ZNF384: variants seen among roughly 807,000 people sequenced by gnomAD.
ZNF384 encodes zinc finger protein 384, also known as CAG repeat protein 1.
A neutral mutation model predicts 65.0 loss-of-function variants in ZNF384; 20 were observed. The ratio of observed to expected loss-of-function variants is 0.31; its 90% CI spans 0.22 to 0.45. ZNF384 has a LOEUF of 0.45. ZNF384 is among the 20% of genes least tolerant of loss of function. The probability of loss-of-function intolerance (pLI) is 1.00; values close to 1 mark genes in which losing one functional copy is unlikely to be tolerated. For synonymous variants in ZNF384, 310 were observed against 303.9 expected (o/e 1.02, Z -0.21); for missense variants, 549 against 769.4 (o/e 0.71, Z 3.39).
At position 6,678,220 on chromosome 12, in the gene ZNF384, C is replaced by T. The variant is rs761482697; in HGVS notation, c.593G>A (p.Arg198Gln). The change falls in exon 6 of 12, where the codon CGG (arginine) becomes CAG (glutamine). Residue 198 changes from arginine to glutamine, a missense_variant. Physicochemically the swap from Arg to Gln is conservative, Grantham distance 43 (BLOSUM62 1). Coordinates refer to ENST00000683879, the MANE Select transcript of ZNF384 (RefSeq NM_001385745.1). The surrounding 1 kb of genome is among the most constrained non-coding windows in gnomAD (Gnocchi z 4.9). ...CTCGGGCAGCCCTGATTCCAGCATC[C>T]GCTTCTTCTTCCGGCCCCGGGGTGG... ...PKPPRGRKKK[R>Q]MLESGLPEMN... 14 of 1,614,040 alleles carry T rather than the reference C, an allele frequency of 8.7e-6. No individual in the cohort carries two copies. The highest frequency in any genetic ancestry group is 3.3e-5 in the South Asian group (3 of 91,090).
At chr12:6,688,488 G>C (rs555082688) in intron 1 of ZNF384, 2 of 152,416 alleles carry the variant, frequency 1.3e-5, no homozygotes, top group East Asian at 3.9e-4. Flanking sequence ...TCAGAGACTG[G>C]TCCTTGTTCG....
intron 2 of ZNF384, among the ~76,000 whole-genome samples, chr12:6,686,578 G>A (rs531601431): frequency 1.9e-4 from 29 of 152,172 alleles, no homozygotes; most frequent in South Asian, 4.1e-4. Context: ...CTAATTCTAG[G>A]TCCTATATCA....
chr12:6,679,325 C>A lies in ZNF384; in HGVS notation c.66+130G>T, dbSNP rs529541267. 3.1e-4 allele frequency: 373 copies of A among 1,210,292 alleles called. 2 individuals are homozygous for A. The South Asian group carries it at 4.8e-3, about 16-fold the overall frequency. 75.0% of individuals were successfully genotyped at this position (1,210,292 alleles called of 1,614,324 possible). ...ACCTCTGGCCTTCTAGAGAGAAGCC[C>A]AGGCAGAAACACTAGATAATTCTCA... On this transcript the variant is annotated intron_variant, in intron 3 of 11. Transcript: ENST00000683879.
Position 6,670,814 on chromosome 12 carries a change from G to A in ZNF384, c.1212C>T (p.Tyr404=). 1.2e-6 allele frequency: 2 copies of A among 1,614,148 alleles called. No homozygotes were observed. Among genetic ancestry groups the A allele is most frequent in the Non-Finnish European group, 1.7e-6 (2 of 1,180,022 alleles). The change falls in exon 10 of 12, where the codon TAC becomes TAT. Residue 404 remains tyrosine (Y), a synonymous_variant. Transcript: ENST00000683879. ...TCTCACAGCCTGGGTGTGCACATTT[G>A]TATGGTCTATCACCAGTGTGGATTC... The part of the protein sequence containing the change: ...HTRIHTGDRP[Y]KCAHPGCEKA...
chr12:6,685,168 A>T (rs576127759), intron 2 of ZNF384, among the ~76,000 whole-genome samples: 1 of 152,200 alleles, frequency 6.6e-6, no homozygotes, highest in African/African-American at 2.4e-5. Flanking sequence ...ACAAAAAATT[A>T]AAAAAGTAGC....
At chr12:6,675,276 G>A (rs1168428822) in intron 7 of ZNF384, among the ~76,000 whole-genome samples, 1 of 152,180 alleles carries the variant, frequency 6.6e-6, no homozygotes, top group African/African-American at 2.4e-5. Flanking sequence ...CAGGCACTAG[G>A]TTAGGCACTT....
intron 6 of ZNF384, 106 bp from the exon 7 acceptor site, chr12:6,677,365 G>A (rs553225027): frequency 7.7e-6 from 9 of 1,167,912 alleles, no homozygotes; most frequent in Non-Finnish European, 9.7e-6. Flanking sequence ...AGCTGTGACA[G>A]TAGTTATCCC....
rs1237086447 is a variant in ZNF384 at position 6,678,386 on chromosome 12, A to T, written c.427T>A (p.Ser143Thr). ...AGAGCTGAGACAATCATGGGAGCCG[A>T]AATGGGGAAGGTCTGAGCTGATGAT... ...TASSAQTFPI[S>T]APMIVSALPP... is the part of the protein sequence containing the mutation. The change falls in exon 6 of 12, where the codon TCG becomes ACG. Residue 143 changes from serine to threonine, a missense_variant. Ser to Thr is a moderately conservative substitution (Grantham distance 58). Around this residue, in one of 5 missense-constraint regions of ZNF384, gnomAD observed 277 missense variants for 337.2 expected, o/e 0.82. Coordinates refer to ENST00000683879, the MANE Select transcript of ZNF384 (RefSeq NM_001385745.1). This position sits in a 1 kb window ranked among gnomAD's most constrained non-coding sequence, Gnocchi z 4.9. 6.2e-7 allele frequency: 1 copy of T among 1,613,040 alleles called. No homozygotes were observed. Among genetic ancestry groups the T allele is most frequent in the Non-Finnish European group, 8.5e-7 (1 of 1,179,570 alleles).
At chr12:6,668,639 G>A (rs974586411) in intron 11 of ZNF384, among the ~76,000 whole-genome samples, 47 of 149,428 alleles carry the variant, frequency 3.1e-4, no homozygotes, top group African/African-American at 1.0e-3. Context: ...GGAGGTGGAG[G>A]TTACAGTGAG....
intron 2 of ZNF384, among the ~76,000 whole-genome samples, chr12:6,683,088 T>G (rs1475383977): frequency 6.7e-6 from 1 of 149,408 alleles, no homozygotes; most frequent in Non-Finnish European, 1.5e-5. Flanking sequence ...GTCAGGACTT[T>G]GAGACCAGCC....
At chr12:6,675,276 G>T (rs1168428822) in intron 7 of ZNF384, among the ~76,000 whole-genome samples, 1 of 152,180 alleles carries the variant, frequency 6.6e-6, no homozygotes, top group Non-Finnish European at 1.5e-5. Flanking sequence ...CAGGCACTAG[G>T]TTAGGCACTT....
Position 6,667,764 on chromosome 12 carries a change from G to T in ZNF384, c.1777C>A (p.Leu593Ile). 6.2e-7 allele frequency: 1 copy of T among 1,614,214 alleles called. No homozygotes were observed. Among genetic ancestry groups the T allele is most frequent in the South Asian group, 1.1e-5 (1 of 91,090 alleles). The part of the protein sequence containing the change: ...KTAEHHKDIC[L>I]TVTTSTIQVE... The stretch of plus-strand genomic sequence containing the variant: ...TGGATGGTGCTGGTGGTGACAGTGA[G>T]GCAGATGTCCTTATGATGCTCCGCC... Residue 593 changes from leucine to isoleucine, a missense_variant, in exon 12 of 12, where the codon CTC (leucine) becomes ATC (isoleucine). Coordinates refer to ENST00000683879, the MANE Select transcript of ZNF384 (RefSeq NM_001385745.1).
rs896538085 is a variant in ZNF384 at position 6,672,053 on chromosome 12, A to C, written c.1187+297T>G. The C allele has an allele frequency of 9.2e-6, 3 of 325,768 alleles. No individual in the cohort carries two copies. Among genetic ancestry groups the C allele is most frequent in the Non-Finnish European group, 1.7e-5 (3 of 172,978 alleles). The allele number at this position is 325,768 out of a possible 1,614,324, so 20.2% of individuals were successfully genotyped here. A position where few individuals can be genotyped will look rare whatever the true frequency, so the allele number is the denominator to read the frequency against. ...CCAAGATGGGTACATGAGTATTTTCAGGGAGGAAAATTAGAGAAAAGTTGT... is the reference window on the plus strand; with the variant it reads ...CCAAGATGGGTACATGAGTATTTTCCGGGAGGAAAATTAGAGAAAAGTTGT... On this transcript the variant is annotated intron_variant, in intron 9 of 11. Transcript: ENST00000683879. This position sits in a 1 kb window ranked among gnomAD's most constrained non-coding sequence, Gnocchi z 4.4.
chr12:6,683,743 G>A (rs1156278320), intron 2 of ZNF384, among the ~76,000 whole-genome samples: 1 of 151,952 alleles, frequency 6.6e-6, no homozygotes, highest in African/African-American at 2.4e-5. Context: ...AGGAGGCTGA[G>A]CACGGTGGCT....
At chr12:6,689,502 G>A (rs1813729904), upstream of ZNF384, 2 of 152,422 alleles carry the variant, frequency 1.3e-5, no homozygotes, top group South Asian at 2.1e-4. Flanking sequence ...GGGGAGGGAG[G>A]GAAATAGCAA....
chr12:6,672,460 G>C lies in ZNF384; in HGVS notation c.1077C>G (p.Asn359Lys), dbSNP rs761365456. Reference sequence around the variant, plus strand: ...GGAGGTGCTGGGCCAGGTAGGAGGTGTTGGCGAAGGTCTTGGAGCAGTGCG... The same window carrying C: ...GGAGGTGCTGGGCCAGGTAGGAGGTCTTGGCGAAGGTCTTGGAGCAGTGCG... ...KCPHCSKTFA[N>K]TSYLAQHLRI... Residue 359 changes from asparagine to lysine, a missense_variant, in exon 9 of 12, where the codon AAC becomes AAG. Around this residue, in one of 5 missense-constraint regions of ZNF384, gnomAD observed 59 missense variants for 63.6 expected, o/e 0.93. Coordinates refer to ENST00000683879, the MANE Select transcript of ZNF384 (RefSeq NM_001385745.1). The surrounding 1 kb of genome is among the most constrained non-coding windows in gnomAD (Gnocchi z 4.4). 6.2e-7 allele frequency: 1 copy of C among 1,614,200 alleles called. No individual in the cohort carries two copies. The highest frequency in any genetic ancestry group is 1.1e-5 in the South Asian group (1 of 91,078).
At chr12:6,679,757 C>T (rs1013096646) in intron 2 of ZNF384, among the ~76,000 whole-genome samples, 1 of 152,166 alleles carries the variant, frequency 6.6e-6, no homozygotes, top group Non-Finnish European at 1.5e-5. Flanking sequence ...AGAACTTATA[C>T]GTATCACATT....
At chr12:6,668,886 A>G (rs965801724) in intron 11 of ZNF384, 145 bp downstream of exon 11, 2 of 782,144 alleles carry the variant, frequency 2.6e-6, no homozygotes, top group East Asian at 6.1e-5. Context: ...GGGTCTAATT[A>G]ATTTCTGAAT....
chr12:6,678,730 G>A lies in ZNF384; in HGVS notation c.305-20C>T. ...AGACTCCTTGATTCAGAGAAGGAAA[G>A]AATGTCACCTCCTCAAAGGCAGGGA... On this transcript the variant is annotated intron_variant, in intron 4 of 11. Transcript: ENST00000683879. The surrounding 1 kb of genome is among the most constrained non-coding windows in gnomAD (Gnocchi z 4.9). 6.2e-7 allele frequency: 1 copy of A among 1,613,664 alleles called. No homozygotes were observed. The highest frequency in any genetic ancestry group is 8.5e-7 in the Non-Finnish European group (1 of 1,179,654).
Sources: allele counts gnomAD v4.1 joint callset (sites outside exome capture counted in the v4.1 genomes callset), GRCh38; gene constraint gnomAD v4.1.1; regional missense constraint gnomAD v4.1.1; non-coding constraint Gnocchi (gnomAD v3.1); transcripts MANE v1.5; gene names NCBI Gene and HGNC (gene_info 2026-07-23, HGNC 2026-07-21).